KIAA1549: variants seen among roughly 807,000 people sequenced by gnomAD.
The protein encoded by KIAA1549 is UPF0606 protein KIAA1549.
In KIAA1549, 70 loss-of-function variants were observed where a neutral mutation model predicts 156.4. The observed-to-expected ratio is 0.45, with a 90% CI of 0.37 to 0.55. The LOEUF (loss-of-function observed/expected upper bound fraction) is 0.55. KIAA1549 is among the 20% of genes least tolerant of loss of function. The pLI is 0.00. For synonymous variants in KIAA1549, 1,103 were observed against 1,066.4 expected (o/e 1.03, Z -0.67); for missense variants, 2,428 against 2,540.9 (o/e 0.96, Z 0.96).
At chr7:138,886,910 A>AT (rs1381928460) in intron 10 of KIAA1549, among the ~76,000 whole-genome samples, 15 of 151,088 alleles carry the variant, frequency 9.9e-5, no homozygotes, top group South Asian at 6.3e-4. Flanking sequence ...ATTTATTATG[A>AT]TTTTTTTTTG....
At position 138,966,898 on chromosome 7, in the gene KIAA1549, T is replaced by C. The variant is rs115377489; in HGVS notation, c.187+14185A>G. Reference sequence around the variant, plus strand: ...ACACCTTGATCTTGGACTCCAGAACTATGAGACAATAACCTTCTGTTGTGT... The same window carrying C: ...ACACCTTGATCTTGGACTCCAGAACCATGAGACAATAACCTTCTGTTGTGT... On this transcript the variant is annotated intron_variant, in intron 1 of 19. Coordinates refer to ENST00000422774, the MANE Select transcript of KIAA1549 (RefSeq NM_001164665.2). Among the ~76,000 whole-genome samples, 551 of 152,246 alleles carry C rather than the reference T, an allele frequency of 3.6e-3. 3 individuals carry two copies. The highest frequency in any genetic ancestry group is 0.013 in the African/African-American group (535 of 41,548).
chr7:138,915,339 C>T (rs1303228316), intron 2 of KIAA1549, among the ~76,000 whole-genome samples: 2 of 152,096 alleles, frequency 1.3e-5, no homozygotes, highest in East Asian at 1.9e-4. Context: ...ACAGGAGGGC[C>T]GTGTCTTACC....
intron 1 of KIAA1549, among the ~76,000 whole-genome samples, chr7:138,932,750 G>A (rs1812907224): frequency 6.6e-6 from 1 of 152,098 alleles, no homozygotes; most frequent in South Asian, 2.1e-4. Flanking sequence ...GAGTGTTTTG[G>A]AAATGCAGCA....
intron 1 of KIAA1549, among the ~76,000 whole-genome samples, chr7:138,969,906 T>C (rs1162143830): frequency 1.3e-5 from 2 of 152,188 alleles, no homozygotes; most frequent in African/African-American, 4.8e-5. Context: ...AGGTACGTAA[T>C]GCATAATAAT....
intron 2 of KIAA1549, among the ~76,000 whole-genome samples, chr7:138,916,397 T>C (rs1294213408): frequency 6.6e-6 from 1 of 152,244 alleles, no homozygotes; most frequent in African/African-American, 2.4e-5. Flanking sequence ...TGTTCTAATA[T>C]TTATTCTCCT....
In KIAA1549 at chr7:138,898,582, A is replaced by G. The variant is rs191316971; in HGVS notation, c.3847+373T>C. ...TCCTGCATGACTCACTGTCCCCGCCAATGTTCAAAATATGACACAGAAGAT... is the reference window on the plus strand; with the variant it reads ...TCCTGCATGACTCACTGTCCCCGCCGATGTTCAAAATATGACACAGAAGAT... On this transcript the variant is annotated intron_variant, in intron 9 of 19. Coordinates refer to ENST00000422774, the MANE Select transcript of KIAA1549 (RefSeq NM_001164665.2). Among the ~76,000 whole-genome samples, 376 of 152,336 alleles carry G rather than the reference A, an allele frequency of 2.5e-3. 6 individuals carry two copies. The highest frequency in any genetic ancestry group is 8.5e-3 in the African/African-American group (355 of 41,574).
intron 1 of KIAA1549, among the ~76,000 whole-genome samples, chr7:138,925,886 G>A (rs1020353283): frequency 2.9e-5 from 4 of 135,764 alleles, no homozygotes; most frequent in South Asian, 2.8e-4. Flanking sequence ...GAGTACAATT[G>A]AGTTGAAAGC....
In KIAA1549 at chr7:138,881,586, T is replaced by G. The variant is rs1020305774; in HGVS notation, c.4033-2A>C. 4 of 1,610,394 alleles carry G rather than the reference T, an allele frequency of 2.5e-6. No homozygotes were observed. The highest frequency in any genetic ancestry group is 2.5e-6 in the Non-Finnish European group (3 of 1,177,750). ...GCCCTTCACACTAGGGATCTGCAGC[T>G]GAAACATACACACACACAAACAAGA... is the stretch of plus-strand genomic sequence containing the variant. On this transcript the variant is annotated splice_acceptor_variant, in intron 10 of 19. Transcript: ENST00000422774. LOFTEE classifies it high-confidence loss of function.
chr7:138,929,831 T>C (rs565950006), intron 1 of KIAA1549, among the ~76,000 whole-genome samples: 8 of 152,230 alleles, frequency 5.3e-5, no homozygotes, highest in South Asian at 4.2e-4. Flanking sequence ...GCTGGGACCA[T>C]AGGCATGTGC....
At chr7:138,958,698 T>C (rs991205457) in intron 1 of KIAA1549, among the ~76,000 whole-genome samples, 2 of 152,044 alleles carry the variant, frequency 1.3e-5, no homozygotes, top group African/African-American at 2.4e-5. Flanking sequence ...TTCCCTGGTA[T>C]AGAGAGGACT....
At chr7:138,867,879 G>A (rs1810796655) in intron 15 of KIAA1549, 96 bp downstream of exon 15, 1 of 1,326,654 alleles carries the variant, frequency 7.5e-7, no homozygotes, top group East Asian at 2.4e-5. Context: ...ACCACACAGG[G>A]CGGCAGCCAG....
chr7:138,843,404 T>C (rs773350662), intron 18 of KIAA1549, among the ~76,000 whole-genome samples: 19 of 152,224 alleles, frequency 1.2e-4, no homozygotes, highest in Non-Finnish European at 2.2e-4. Context: ...ATAAAAATAC[T>C]TCTTGATCGT....
chr7:138,911,534 G>A (rs1056838794), intron 3 of KIAA1549, among the ~76,000 whole-genome samples: 1 of 152,176 alleles, frequency 6.6e-6, no homozygotes, highest in African/African-American at 2.4e-5. Context: ...AGAAAGAACA[G>A]TCAGAAATAT....
At chr7:138,866,702 A>G (rs1239724177) in intron 15 of KIAA1549, among the ~76,000 whole-genome samples, 1 of 152,136 alleles carries the variant, frequency 6.6e-6, no homozygotes, top group Non-Finnish European at 1.5e-5. Context: ...TCTCTCCCCT[A>G]CTCAATGCAG....
chr7:138,901,763 T>C (rs966481375), intron 8 of KIAA1549, among the ~76,000 whole-genome samples: 4 of 152,246 alleles, frequency 2.6e-5, no homozygotes, highest in Non-Finnish European at 5.9e-5. Flanking sequence ...ATTTTCACTT[T>C]TACAAATTAA....
At chr7:138,945,604 T>C (rs943546704) in intron 1 of KIAA1549, among the ~76,000 whole-genome samples, 3 of 152,232 alleles carry the variant, frequency 2.0e-5, no homozygotes, top group African/African-American at 4.8e-5. Context: ...ATTTCATCTA[T>C]CAATTTTATG....
intron 1 of KIAA1549, among the ~76,000 whole-genome samples, chr7:138,967,666 G>A (rs1047227118): frequency 1.1e-4 from 16 of 152,014 alleles, no homozygotes; most frequent in African/African-American, 3.9e-4. Flanking sequence ...CAGTCTCCCA[G>A]CCCATCCTCC....
intron 9 of KIAA1549, among the ~76,000 whole-genome samples, chr7:138,895,264 C>G (rs74700697): frequency 3.9e-5 from 6 of 152,132 alleles, no homozygotes; most frequent in African/African-American, 1.4e-4. Flanking sequence ...TAAGGAGATA[C>G]GACATGTGCA....
intron 15 of KIAA1549, among the ~76,000 whole-genome samples, chr7:138,865,606 A>G (rs551710223): frequency 6.6e-6 from 1 of 152,322 alleles, no homozygotes; most frequent in African/African-American, 2.4e-5. Flanking sequence ...ATCTTTTAAA[A>G]AAGGAGCCAC....
Sources: allele counts gnomAD v4.1 joint callset (sites outside exome capture counted in the v4.1 genomes callset), GRCh38; gene constraint gnomAD v4.1.1; transcripts MANE v1.5; gene names NCBI Gene and HGNC (gene_info 2026-07-23, HGNC 2026-07-21).